AK8: variants seen among roughly 807,000 people sequenced by gnomAD.
AK8 encodes the protein ATP-AMP transphosphorylase 8.
AK8 carries 44 observed loss-of-function variants against 54.6 expected under a neutral mutation model. The ratio of observed to expected loss-of-function variants is 0.81; its 90% CI spans 0.63 to 1.04. AK8 has a LOEUF of 1.04. AK8 is among the 50% of genes least tolerant of loss of function. AK8 has a pLI of 0.00. For missense variants in AK8, 555 were observed against 613.6 expected (o/e 0.90, Z 1.01); for synonymous variants, 239 against 245.6 (o/e 0.97, Z 0.25).
intron 11 of AK8, among the ~76,000 whole-genome samples, chr9:132,780,209 CAG>C (rs899617610): frequency 6.6e-6 from 1 of 152,110 alleles, no homozygotes; most frequent in Non-Finnish European, 1.5e-5. Flanking sequence ...AAGAGAAAAG[CAG>C]AGAGGAAGTT....
chr9:132,863,617 T>C (rs528310309), intron 4 of AK8, 48 bp downstream of exon 4: 2 of 1,332,898 alleles, frequency 1.5e-6, no homozygotes, highest in East Asian at 2.3e-5. Flanking sequence ...GGTGTGGCAG[T>C]GGGCACTGCT....
chr9:132,814,599 G>C, intron 10 of AK8, 39 bp downstream of exon 10: 1 of 1,580,602 alleles, frequency 6.3e-7, no homozygotes, highest in Non-Finnish European at 8.6e-7. Flanking sequence ...TCTCTCTGGA[G>C]CCTGTAAGGT....
At chr9:132,810,729 T>A (rs1245395051) in intron 10 of AK8, among the ~76,000 whole-genome samples, 1 of 151,842 alleles carries the variant, frequency 6.6e-6, no homozygotes, top group Non-Finnish European at 1.5e-5. Flanking sequence ...AAAACCAACA[T>A]CCTCATATGA....
chr9:132,777,389 A>C (rs529489251), intron 11 of AK8, among the ~76,000 whole-genome samples: 1 of 152,220 alleles, frequency 6.6e-6, no homozygotes, highest in South Asian at 2.1e-4. Flanking sequence ...AGGTGCAGAG[A>C]AGCTAAGAAC....
In AK8 at chr9:132,770,817, G is replaced by A. The variant is rs1482424492; in HGVS notation, c.1121+21817C>T. 6.6e-6 allele frequency among the ~76,000 whole-genome samples: 1 copy of A among 152,194 alleles called. No homozygotes were observed. Among genetic ancestry groups the A allele is most frequent in the Non-Finnish European group, 1.5e-5 (1 of 68,020 alleles). On this transcript the variant is annotated intron_variant, in intron 11 of 12. Coordinates refer to ENST00000298545, the MANE Select transcript of AK8 (RefSeq NM_152572.3). The surrounding 1 kb of genome is among the most constrained non-coding windows in gnomAD (Gnocchi z 4.3). ...CCAGTGGGCTCTGGAAGCAGCTGCT[G>A]AGTGCACGGCAGACCCCCTGGCATG...
intron 11 of AK8, among the ~76,000 whole-genome samples, chr9:132,733,740 GT>G (rs1836973170): frequency 6.6e-6 from 1 of 152,234 alleles, no homozygotes; most frequent in South Asian, 2.1e-4. Context: ...CCAGCCACTG[GT>G]TTTTTGTTTT....
intron 9 of AK8, among the ~76,000 whole-genome samples, chr9:132,821,613 AG>A (rs1408619753): frequency 4.6e-5 from 7 of 151,740 alleles, no homozygotes; most frequent in Non-Finnish European, 1.0e-4. Context: ...TAGAATTGTA[AG>A]CTGGAGGAGG....
intron 10 of AK8, among the ~76,000 whole-genome samples, chr9:132,813,138 G>C (rs113198714): frequency 5.0e-5 from 5 of 99,166 alleles, no homozygotes; most frequent in East Asian, 3.7e-4. Flanking sequence ...GACCAGACCT[G>C]CTCACTGCCC....
rs963899945 is a variant in AK8, at chr9:132,828,087, G to C, written c.485-3C>G. On this transcript the variant is annotated splice_polypyrimidine_tract_variant and splice_region_variant and intron_variant, in intron 6 of 12. Coordinates refer to ENST00000298545, the MANE Select transcript of AK8 (RefSeq NM_152572.3). ...CGTGTCTGGAGCACTCAGCACAACTGGGCAGAGAAGAAAAGGAGCAAAACC... is the reference window on the plus strand; with the variant it reads ...CGTGTCTGGAGCACTCAGCACAACTCGGCAGAGAAGAAAAGGAGCAAAACC... The C allele has an allele frequency of 1.5e-5, 23 of 1,567,358 alleles. No homozygotes were observed. The highest frequency in any genetic ancestry group is 1.9e-5 in the Non-Finnish European group (22 of 1,155,006).
chr9:132,739,441 CAAAAAAAAAAAAAAAAAAAAAAAAAAA>C (rs768297504), intron 11 of AK8, among the ~76,000 whole-genome samples: 6 of 31,144 alleles, frequency 1.9e-4, no homozygotes, highest in African/African-American at 5.8e-4. Context: ...GACTCTGTCT[CAAAAAAAAAAAAAAAAAAAAAAAAAAA>C]AAAAAAAAAA....
At chr9:132,782,453 C>A (rs1460753014) in intron 11 of AK8, among the ~76,000 whole-genome samples, 1 of 152,050 alleles carries the variant, frequency 6.6e-6, no homozygotes, top group East Asian at 1.9e-4. Flanking sequence ...ACTTTGGGAG[C>A]CCAGGGCGGG....
intron 11 of AK8, among the ~76,000 whole-genome samples, chr9:132,755,306 T>A (rs1838134863): frequency 6.6e-6 from 1 of 152,126 alleles, no homozygotes; most frequent in Admixed American, 6.6e-5. Flanking sequence ...AGGTGCCAGG[T>A]GCCCCCTACC....
intron 5 of AK8, among the ~76,000 whole-genome samples, chr9:132,844,660 A>C (rs1430194883): frequency 1.3e-5 from 2 of 152,232 alleles, no homozygotes; most frequent in Non-Finnish European, 2.9e-5. Context: ...GGTTAGAAGA[A>C]AGTTTAAAAC....
At chr9:132,735,729 C>T (rs1394030882) in intron 11 of AK8, among the ~76,000 whole-genome samples, 6 of 152,232 alleles carry the variant, frequency 3.9e-5, no homozygotes, top group Middle Eastern at 3.4e-3. Flanking sequence ...CCAAAAGAAC[C>T]GAAAGCAGGG....
intron 2 of AK8, among the ~76,000 whole-genome samples, chr9:132,870,521 G>GA (rs1237056304): frequency 2.0e-5 from 3 of 152,136 alleles, no homozygotes; most frequent in African/African-American, 7.2e-5. Context: ...GATAAAAAAC[G>GA]AAACATACCA....
intron 11 of AK8, among the ~76,000 whole-genome samples, chr9:132,789,545 A>G (rs1295331659): frequency 1.4e-5 from 2 of 141,328 alleles, no homozygotes; most frequent in Admixed American, 7.5e-5. Context: ...TGCAGTGAAC[A>G]GAGATCATGC....
intron 11 of AK8, among the ~76,000 whole-genome samples, chr9:132,760,727 T>C (rs1435125091): frequency 1.3e-5 from 2 of 152,192 alleles, no homozygotes; most frequent in African/African-American, 2.4e-5. Context: ...AAGGTATCTT[T>C]TATCAGGTTA....
chr9:132,872,043 G>C (rs1473802081), intron 2 of AK8, among the ~76,000 whole-genome samples: 1 of 152,160 alleles, frequency 6.6e-6, no homozygotes, highest in East Asian at 1.9e-4. Context: ...AGCGGTTTAA[G>C]AACACAGAGG....
At chr9:132,852,918 G>A (rs1041875315) in intron 5 of AK8, among the ~76,000 whole-genome samples, 12 of 151,924 alleles carry the variant, frequency 7.9e-5, no homozygotes, top group African/African-American at 2.7e-4. Flanking sequence ...AGAGTAGGGT[G>A]CAGGAAGTTA....
Sources: allele counts gnomAD v4.1 joint callset (sites outside exome capture counted in the v4.1 genomes callset), GRCh38; gene constraint gnomAD v4.1.1; non-coding constraint Gnocchi (gnomAD v3.1); transcripts MANE v1.5; gene names NCBI Gene and HGNC (gene_info 2026-07-23, HGNC 2026-07-21).